The following TMTC1 variants were observed in gnomAD, a reference collection of about 807,000 sequenced individuals.
The protein encoded by TMTC1 is transmembrane O-mannosyltransferase targeting cadherins 1, also known as protein O-mannosyl-transferase TMTC1.
Under a neutral mutation model 104.8 loss-of-function variants are expected in TMTC1, and 73 were observed. The ratio of observed to expected loss-of-function variants is 0.70; its 90% confidence interval spans 0.58 to 0.85. The LOEUF (loss-of-function observed/expected upper bound fraction) is 0.85, where lower values mean the gene tolerates loss of function less well. Among genes scored for constraint, TMTC1 ranks in the 40% least tolerant of loss-of-function variants. The probability of loss-of-function intolerance (pLI) is 0.00; values close to 1 mark genes in which losing one functional copy is unlikely to be tolerated. For missense variants in TMTC1, 1,035 were observed against 1,096.1 expected (o/e 0.94, Z 0.79); for synonymous variants, 434 against 428.7 (o/e 1.01, Z -0.15).
rs374861544 is a variant in TMTC1 at position 29,523,789 on chromosome 12, G to A, written c.1786-3069C>T. Reference sequence around the variant, plus strand: ...TTTTTGGAGGGCAGAAAGAAAATTCGCGTCTATTTTAGGACTTACCTGTTT... The same window carrying A: ...TTTTTGGAGGGCAGAAAGAAAATTCACGTCTATTTTAGGACTTACCTGTTT... On this transcript the variant is annotated intron_variant, in intron 11 of 17. Transcript: ENST00000539277. 2.1e-3 allele frequency among the ~76,000 whole-genome samples: 318 copies of A among 152,088 alleles called. 4 individuals carry two copies. The highest frequency in any genetic ancestry group is 9.8e-3 in the South Asian group (47 of 4,816).
intron 8 of TMTC1, among the ~76,000 whole-genome samples, chr12:29,576,531 A>G (rs1022792214): frequency 2.6e-5 from 4 of 152,226 alleles, no homozygotes; most frequent in Non-Finnish European, 5.9e-5. Flanking sequence ...AGACGCAGAA[A>G]GAAAAATACT....
intron 8 of TMTC1, among the ~76,000 whole-genome samples, chr12:29,581,903 C>T (rs762997487): frequency 2.0e-5 from 3 of 151,906 alleles, no homozygotes; most frequent in Admixed American, 6.6e-5. Flanking sequence ...CTGTGAGAAT[C>T]GTGTTTAATA....
In TMTC1 at chr12:29,501,590, C is replaced by G. The variant is rs1019190860; in HGVS notation, c.*5256G>C. 2.0e-5 allele frequency: 3 copies of G among 152,072 alleles called. No homozygotes were observed. Among genetic ancestry groups the G allele is most frequent in the African/African-American group, 7.2e-5 (3 of 41,404 alleles). The allele number at this position is 152,072 out of a possible 1,614,324, so 9.4% of individuals were successfully genotyped here. A position where few individuals can be genotyped will look rare whatever the true frequency, so the allele number is the denominator to read the frequency against. On this transcript the variant is annotated 3_prime_UTR_variant, in exon 18 of 18. Coordinates refer to ENST00000539277, the MANE Select transcript of TMTC1 (RefSeq NM_001193451.2). ...AAGATAAATAACCCCCAAAGGACAT[C>G]ACACATACTGAAAACTACCAAATTT...
chr12:29,660,788 A>C, intron 5 of TMTC1: 1 of 921,336 alleles, frequency 1.1e-6, no homozygotes, highest in Non-Finnish European at 1.5e-6. Flanking sequence ...ATATATATAT[A>C]TATATATATA....
intron 5 of TMTC1, among the ~76,000 whole-genome samples, chr12:29,718,846 T>C (rs1942153970): frequency 6.9e-6 from 1 of 145,342 alleles, no homozygotes; most frequent in Admixed American, 7.1e-5. Flanking sequence ...GGCAGGAGAA[T>C]GGCATAAACC....
chr12:29,734,833 ATCTATT>A (rs1397413370), intron 5 of TMTC1, among the ~76,000 whole-genome samples: 2 of 152,280 alleles, frequency 1.3e-5, no homozygotes, highest in East Asian at 3.9e-4. Flanking sequence ...CTTCAAGACC[ATCTATT>A]GCCACTTTTA....
At chr12:29,597,234 TTTTC>T (rs549111286) in intron 7 of TMTC1, among the ~76,000 whole-genome samples, 1,931 of 135,382 alleles carry the variant, frequency 0.014, 14 homozygotes, top group Middle Eastern at 0.037. Context: ...TCTTTCTTTC[TTTTC>T]TTTCTTTTTT....
chr12:29,752,591 A>C (rs1210555348), intron 4 of TMTC1, among the ~76,000 whole-genome samples: 1 of 152,248 alleles, frequency 6.6e-6, no homozygotes, highest in Non-Finnish European at 1.5e-5. Context: ...ATAATAGCAA[A>C]AATGTAGAAA....
At chr12:29,607,260 C>T (rs142105952) in intron 6 of TMTC1, among the ~76,000 whole-genome samples, 2 of 152,342 alleles carry the variant, frequency 1.3e-5, no homozygotes, top group African/African-American at 4.8e-5. Context: ...AGAATGTGAG[C>T]TCCATGAGCA....
chr12:29,705,981 A>T (rs1941730838), intron 5 of TMTC1, among the ~76,000 whole-genome samples: 1 of 152,144 alleles, frequency 6.6e-6, no homozygotes, highest in Non-Finnish European at 1.5e-5. Context: ...AAAGCTATTT[A>T]AAGCTGTACT....
chr12:29,694,134 A>C (rs11050385), intron 5 of TMTC1, among the ~76,000 whole-genome samples: 4,891 of 150,894 alleles, frequency 0.032, 282 homozygotes, highest in African/African-American at 0.12. Flanking sequence ...CTCTCTCTAC[A>C]TACCGTCCTT....
At chr12:29,601,973 C>A (rs1464724934) in intron 7 of TMTC1, among the ~76,000 whole-genome samples, 2 of 151,310 alleles carry the variant, frequency 1.3e-5, no homozygotes, top group Admixed American at 1.3e-4. Flanking sequence ...GTAGCTAGGA[C>A]TACAGGCGCC....
In TMTC1 at chr12:29,679,931, C is replaced by A. The variant is rs931708194; in HGVS notation, c.939-46595G>T. Among the ~76,000 whole-genome samples the A allele has an allele frequency of 3.3e-5, 5 of 152,202 alleles. No individual in the cohort carries two copies. In the East Asian group the frequency reaches 7.7e-4, roughly 23 times the overall value. ...TAAACTATATAAAGTAGGTTTAAAT[C>A]TCAATAATTTGACCATATATACCTA... On this transcript the variant is annotated intron_variant, in intron 5 of 17. Coordinates refer to ENST00000539277, the MANE Select transcript of TMTC1 (RefSeq NM_001193451.2).
At chr12:29,700,781 C>T (rs931379345) in intron 5 of TMTC1, among the ~76,000 whole-genome samples, 1 of 152,186 alleles carries the variant, frequency 6.6e-6, no homozygotes, top group African/African-American at 2.4e-5. Context: ...CATGTCCTCA[C>T]TTGAAAAATG....
intron 11 of TMTC1, among the ~76,000 whole-genome samples, chr12:29,530,341 T>C (rs1944467248): frequency 6.6e-6 from 1 of 152,170 alleles, no homozygotes; most frequent in Non-Finnish European, 1.5e-5. Context: ...GCTCCACTGC[T>C]GATTTCAACC....
chr12:29,738,609 T>C (rs1942744150), intron 5 of TMTC1, among the ~76,000 whole-genome samples: 1 of 152,170 alleles, frequency 6.6e-6, no homozygotes, highest in African/African-American at 2.4e-5. Context: ...TCTGCTCTAG[T>C]ACAAAATACA....
intron 5 of TMTC1, among the ~76,000 whole-genome samples, chr12:29,696,894 A>G (rs1176698624): frequency 6.6e-6 from 1 of 152,188 alleles, no homozygotes; most frequent in African/African-American, 2.4e-5. Flanking sequence ...ATGACAACAT[A>G]GAAGGAATAT....
intron 6 of TMTC1, among the ~76,000 whole-genome samples, chr12:29,623,028 A>G (rs1224364338): frequency 6.6e-6 from 1 of 152,186 alleles, no homozygotes; most frequent in Non-Finnish European, 1.5e-5. Flanking sequence ...TCTGGACAAG[A>G]TCTTGTCAAA....
chr12:29,772,483 G>A (rs1461316302), intron 1 of TMTC1, among the ~76,000 whole-genome samples: 1 of 152,118 alleles, frequency 6.6e-6, no homozygotes, highest in East Asian at 1.9e-4. Context: ...CATATTTCTG[G>A]AAGAGGAGAA....
Sources: allele counts gnomAD v4.1 joint callset (sites outside exome capture counted in the v4.1 genomes callset), GRCh38; gene constraint gnomAD v4.1.1; transcripts MANE v1.5; gene names NCBI Gene and HGNC (gene_info 2026-07-23, HGNC 2026-07-21).